TMTC1: variants seen among roughly 807,000 people sequenced by gnomAD.
TMTC1 encodes the protein protein O-mannosyl-transferase TMTC1.
TMTC1 carries 73 observed loss-of-function variants against 104.8 expected under a neutral mutation model. The observed-to-expected ratio is 0.70, with a 90% CI of 0.58 to 0.85. The LOEUF (loss-of-function observed/expected upper bound fraction) is 0.85. Ranked by LOEUF, TMTC1 falls within the 40% of genes least tolerant of loss-of-function variation. The pLI is 0.00. For missense variants in TMTC1, 1,035 were observed against 1,096.1 expected (o/e 0.94, Z 0.79); for synonymous variants, 434 against 428.7 (o/e 1.01, Z -0.15).
At chr12:29,784,398 C>T (rs543361236), upstream of TMTC1, 1 of 152,180 alleles carries the variant, frequency 6.6e-6, no homozygotes, top group African/African-American at 2.4e-5. Flanking sequence ...GAGACGCTCT[C>T]CACCCGCCCC....
intron 6 of TMTC1, among the ~76,000 whole-genome samples, chr12:29,618,412 A>G (rs1009317439): frequency 9.2e-5 from 14 of 152,330 alleles, no homozygotes; most frequent in African/African-American, 3.1e-4. Flanking sequence ...GGTGAAAAAT[A>G]AATTTTTTAA....
intron 6 of TMTC1, among the ~76,000 whole-genome samples, chr12:29,624,322 T>G (rs1937854996): frequency 7.1e-6 from 1 of 140,886 alleles, no homozygotes; most frequent in Non-Finnish European, 1.6e-5. Context: ...CTCCGCTGGC[T>G]TGGGCCCACC....
chr12:29,732,071 CT>C (rs1283444755), intron 5 of TMTC1, among the ~76,000 whole-genome samples: 2 of 151,876 alleles, frequency 1.3e-5, no homozygotes, highest in Non-Finnish European at 2.9e-5. Context: ...ATTGTTGTAA[CT>C]TTTTTTTAAA....
intron 5 of TMTC1, among the ~76,000 whole-genome samples, chr12:29,645,930 C>T (rs560942093): frequency 5.9e-5 from 9 of 152,196 alleles, no homozygotes; most frequent in Non-Finnish European, 1.2e-4. Flanking sequence ...GGGCATTACG[C>T]TCATTCTTGC....
intron 11 of TMTC1, chr12:29,533,497 C>G (rs1944562148): frequency 6.6e-6 from 1 of 152,076 alleles, no homozygotes; most frequent in South Asian, 2.1e-4. Context: ...AAATGTGTCT[C>G]GAAACATCTC....
At chr12:29,675,023 A>AT (rs2136694359) in intron 5 of TMTC1, among the ~76,000 whole-genome samples, 1 of 152,326 alleles carries the variant, frequency 6.6e-6, no homozygotes, top group African/African-American at 2.4e-5. Flanking sequence ...CAGTGTTGCT[A>AT]TATTTCCAGT....
At chr12:29,574,666 T>C (rs1473934470) in intron 8 of TMTC1, among the ~76,000 whole-genome samples, 1 of 152,138 alleles carries the variant, frequency 6.6e-6, no homozygotes, top group African/African-American at 2.4e-5. Context: ...TTCCTCGGAG[T>C]GTGCACACAG....
chr12:29,755,965 C>T (rs945146605), intron 3 of TMTC1, 80 bp from the exon 4 acceptor site: 22 of 1,401,754 alleles, frequency 1.6e-5, no homozygotes, highest in Non-Finnish European at 1.9e-5. Context: ...AAGATAAGAT[C>T]TAATGTCAAT....
chr12:29,583,617 A>G (rs1946045343), intron 7 of TMTC1, 43 bp from the exon 8 acceptor site: 2 of 1,565,696 alleles, frequency 1.3e-6, no homozygotes, highest in South Asian at 1.2e-5. Flanking sequence ...TTGGGGGTGC[A>G]ATAGCTTCCC....
At chr12:29,626,647 A>C (rs1474347689) in intron 6 of TMTC1, among the ~76,000 whole-genome samples, 1 of 152,210 alleles carries the variant, frequency 6.6e-6, no homozygotes, top group Non-Finnish European at 1.5e-5. Flanking sequence ...TTAACTCAAA[A>C]ATGAATCAAT....
At chr12:29,597,237 TC>T (rs1565697564) in intron 7 of TMTC1, among the ~76,000 whole-genome samples, 15 of 136,170 alleles carry the variant, frequency 1.1e-4, no homozygotes, top group African/African-American at 4.6e-4. Flanking sequence ...TTCTTTCTTT[TC>T]TTTCTTTTTT....
chr12:29,661,628 G>A (rs907014724), intron 5 of TMTC1, among the ~76,000 whole-genome samples: 4 of 152,040 alleles, frequency 2.6e-5, no homozygotes, highest in African/African-American at 7.2e-5. Context: ...TACAGATGGC[G>A]TTTTGCCATG....
intron 1 of TMTC1, among the ~76,000 whole-genome samples, chr12:29,780,516 T>C (rs961333514): frequency 6.6e-5 from 10 of 152,234 alleles, no homozygotes; most frequent in Admixed American, 1.3e-4. Context: ...GCAGTTGTTA[T>C]AGATTAGGTG....
chr12:29,756,236 T>C (rs926540986), intron 3 of TMTC1, among the ~76,000 whole-genome samples: 2 of 152,210 alleles, frequency 1.3e-5, no homozygotes, highest in African/African-American at 4.8e-5. Flanking sequence ...GTTCCCTGGG[T>C]TCCCTGCTAA....
intron 6 of TMTC1, among the ~76,000 whole-genome samples, chr12:29,624,555 G>A (rs1295207733): frequency 1.3e-5 from 2 of 152,154 alleles, no homozygotes; most frequent in African/African-American, 4.8e-5. Context: ...CTTACTGTCT[G>A]TGATGGGTCT....
chr12:29,698,067 T>C (rs1941476835), intron 5 of TMTC1, among the ~76,000 whole-genome samples: 1 of 152,192 alleles, frequency 6.6e-6, no homozygotes, highest in South Asian at 2.1e-4. Context: ...GGCTTTCCTC[T>C]GATCTTCCCT....
At chr12:29,761,561 C>T (rs1943348724) in intron 2 of TMTC1, among the ~76,000 whole-genome samples, 1 of 141,362 alleles carries the variant, frequency 7.1e-6, no homozygotes. Flanking sequence ...CACTATTTTG[C>T]TACATATCCA....
At chr12:29,561,662 ATTTAC>A (rs914155143) in intron 9 of TMTC1, among the ~76,000 whole-genome samples, 1 of 147,214 alleles carries the variant, frequency 6.8e-6, no homozygotes, top group Non-Finnish European at 1.5e-5. Flanking sequence ...TATGTCAGTT[ATTTAC>A]TTTAAATTTT....
rs111594450 is a variant in TMTC1 at position 29,548,265 on chromosome 12, C to T, written c.1676+8592G>A. On this transcript the variant is annotated intron_variant, in intron 10 of 17. Coordinates refer to ENST00000539277, the MANE Select transcript of TMTC1 (RefSeq NM_001193451.2). ...GACCACTAATGGCTAAAACACAGCA[C>T]CAAATGTTCAAAAGGATATGGAGCA... Among the ~76,000 whole-genome samples the T allele has an allele frequency of 4.4e-3, 663 of 152,228 alleles. 6 individuals carry two copies. The highest frequency in any genetic ancestry group is 0.015 in the African/African-American group (631 of 41,520).
Sources: gnomAD v4.1 joint callset for allele counts (sites outside exome capture counted in the v4.1 genomes callset) on GRCh38, gnomAD v4.1.1 for gene constraint, MANE v1.5 for transcripts, NCBI Gene and HGNC (gene_info 2026-07-23, HGNC 2026-07-21) for gene names.